Variants in COP1 observed in about 807,000 individuals in gnomAD.
The protein encoded by COP1 is E3 ubiquitin-protein ligase COP1.
A neutral mutation model predicts 101.3 loss-of-function variants in COP1; 24 were observed. That is an observed-to-expected ratio of 0.24 (90% CI 0.17 to 0.33). The LOEUF is 0.33. Ranked by LOEUF, COP1 falls within the 10% of genes least tolerant of loss-of-function variation. The pLI, the probability that COP1 is intolerant of heterozygous loss-of-function variation, is 1.00. For missense variants in COP1, 663 were observed against 906.2 expected (o/e 0.73, Z 3.45); for synonymous variants, 347 against 341.9 (o/e 1.01, Z -0.17).
At chr1:176,001,536 G>A (rs1250119760) in intron 15 of COP1, among the ~76,000 whole-genome samples, 2 of 152,036 alleles carry the variant, frequency 1.3e-5, no homozygotes, top group African/African-American at 4.8e-5. Context: ...GATATTTCGT[G>A]GCAAAGTTAT....
intron 15 of COP1, among the ~76,000 whole-genome samples, chr1:175,991,786 T>A (rs1658550759): frequency 6.6e-6 from 1 of 152,184 alleles, no homozygotes; most frequent in Admixed American, 6.5e-5. Flanking sequence ...CTACACAGGG[T>A]CAGGATAATC....
At chr1:175,984,026 A>G (rs1169987688) in intron 18 of COP1, among the ~76,000 whole-genome samples, 1 of 152,220 alleles carries the variant, frequency 6.6e-6, no homozygotes, top group Admixed American at 6.5e-5. Flanking sequence ...TGACAATGCA[A>G]TAGAAAAGAA....
chr1:176,108,325 G>A (rs1684686556), intron 9 of COP1, among the ~76,000 whole-genome samples: 1 of 152,038 alleles, frequency 6.6e-6, no homozygotes, highest in Non-Finnish European at 1.5e-5. Flanking sequence ...CCATCCTATA[G>A]TTGTAGCACT....
rs186337569 is a variant in COP1 at position 176,092,970 on chromosome 1, T to C, written c.1027-7080A>G. ...AATGTATACAGATTCAACTGAAAAA[T>C]TGTAGTATAGTAACACAATGGAATA... On this transcript the variant is annotated intron_variant, in intron 9 of 19. Coordinates refer to ENST00000367669, the MANE Select transcript of COP1 (RefSeq NM_022457.7). Among the ~76,000 whole-genome samples, 1,029 of 152,158 alleles carry C rather than the reference T, an allele frequency of 6.8e-3. 14 individuals carry two copies. Among genetic ancestry groups the C allele is most frequent in the African/African-American group, 0.022 (902 of 41,518 alleles).
At chr1:175,979,717 A>G (rs1243449041) in intron 18 of COP1, among the ~76,000 whole-genome samples, 2 of 152,136 alleles carry the variant, frequency 1.3e-5, no homozygotes, top group African/African-American at 2.4e-5. Flanking sequence ...AATTATATGT[A>G]CATATGAATG....
At chr1:175,946,980 C>T (rs533980771) in intron 19 of COP1, among the ~76,000 whole-genome samples, 1 of 152,300 alleles carries the variant, frequency 6.6e-6, no homozygotes, top group Non-Finnish European at 1.5e-5. Flanking sequence ...ATCTATTAAT[C>T]CATCCAGCAT....
At chr1:176,005,252 T>C (rs938992097) in intron 15 of COP1, among the ~76,000 whole-genome samples, 3 of 152,294 alleles carry the variant, frequency 2.0e-5, no homozygotes, top group East Asian at 3.9e-4. Flanking sequence ...TTTTCTTCTT[T>C]ATTAGTCTTG....
intron 14 of COP1, among the ~76,000 whole-genome samples, chr1:176,040,284 C>T (rs1163763929): frequency 6.6e-6 from 1 of 151,930 alleles, no homozygotes; most frequent in African/African-American, 2.4e-5. Context: ...CTCTCTCTCT[C>T]CTTCTCCCTC....
At chr1:176,164,476 G>A (rs182439760) in intron 3 of COP1, among the ~76,000 whole-genome samples, 18 of 152,194 alleles carry the variant, frequency 1.2e-4, no homozygotes, top group Admixed American at 1.2e-3. Context: ...AGTCATTCAT[G>A]CCCTTGCCAG....
chr1:175,975,448 C>T (rs2148642307), intron 18 of COP1, among the ~76,000 whole-genome samples: 1 of 152,240 alleles, frequency 6.6e-6, no homozygotes, highest in Middle Eastern at 3.4e-3. Flanking sequence ...CACACTTTGT[C>T]ACCCAGGCTG....
chr1:176,115,736 C>G (rs1686080777), intron 9 of COP1, among the ~76,000 whole-genome samples: 1 of 151,826 alleles, frequency 6.6e-6, no homozygotes, highest in Non-Finnish European at 1.5e-5. Context: ...CAGTGAGATT[C>G]TGTTTCAAAA....
chr1:176,058,073 G>T (rs1351034211), intron 11 of COP1, among the ~76,000 whole-genome samples: 1 of 150,130 alleles, frequency 6.7e-6, no homozygotes, highest in South Asian at 2.1e-4. Flanking sequence ...CGCCCCGGCC[G>T]GGAGGGAGGT....
intron 2 of COP1, among the ~76,000 whole-genome samples, chr1:176,177,688 T>C (rs145439396): frequency 1.3e-5 from 2 of 152,310 alleles, no homozygotes; most frequent in Non-Finnish European, 2.9e-5. Flanking sequence ...TTTTATTACG[T>C]ATCCAAATTA....
chr1:175,950,890 C>G (rs1221503416), intron 18 of COP1, among the ~76,000 whole-genome samples: 1 of 144,802 alleles, frequency 6.9e-6, no homozygotes, highest in Non-Finnish European at 1.5e-5. Context: ...TGAAGAAAAC[C>G]TGCATCTACT....
At chr1:175,999,191 C>T (rs1159990244) in intron 15 of COP1, among the ~76,000 whole-genome samples, 1 of 151,994 alleles carries the variant, frequency 6.6e-6, no homozygotes, top group Non-Finnish European at 1.5e-5. Context: ...CTACCAAATA[C>T]TAGGTCTTAC....
intron 8 of COP1, among the ~76,000 whole-genome samples, chr1:176,129,791 C>T (rs1688613596): frequency 7.1e-6 from 1 of 140,522 alleles, no homozygotes; most frequent in African/African-American, 2.6e-5. Flanking sequence ...ATTTCTAAGA[C>T]AGAAATCACA....
At chr1:176,127,531 T>C (rs150465684) in intron 8 of COP1, among the ~76,000 whole-genome samples, 70 of 152,082 alleles carry the variant, frequency 4.6e-4, no homozygotes, top group African/African-American at 1.6e-3. Flanking sequence ...CAGAACTTCC[T>C]GGGTCTTTTT....
intron 2 of COP1, among the ~76,000 whole-genome samples, chr1:176,181,035 CAA>C (rs1697670597): frequency 2.0e-5 from 3 of 152,130 alleles, no homozygotes; most frequent in Admixed American, 1.3e-4. Flanking sequence ...TGGGCAAAGA[CAA>C]AGAGCCAATT....
At chr1:175,995,607 T>C (rs907316770) in intron 15 of COP1, among the ~76,000 whole-genome samples, 2 of 152,302 alleles carry the variant, frequency 1.3e-5, no homozygotes, top group Admixed American at 1.3e-4. Flanking sequence ...CATCAGAGAA[T>C]ACTACAAACA....
Sources: gnomAD v4.1 joint callset for allele counts (sites outside exome capture counted in the v4.1 genomes callset) on GRCh38, gnomAD v4.1.1 for gene constraint, MANE v1.5 for transcripts, NCBI Gene and HGNC (gene_info 2026-07-23, HGNC 2026-07-21) for gene names.